Variants in GULP1 observed in about 807,000 individuals in gnomAD.
The protein encoded by GULP1 is PTB domain-containing engulfment adapter protein 1.
A neutral mutation model predicts 40.9 loss-of-function variants in GULP1; 19 were observed. That is an observed-to-expected ratio of 0.46 (90% confidence interval 0.32 to 0.68). The LOEUF is 0.68. Ranked by LOEUF, GULP1 falls within the 30% of genes least tolerant of loss-of-function variation. The pLI is 0.03. For missense variants in GULP1, 312 were observed against 362.2 expected, an observed-to-expected ratio of 0.86 and a Z score of 1.12; for synonymous variants, 119 against 117.6, an observed-to-expected ratio of 1.01 and a Z score of -0.08.
At chr2:188,533,274 G>C (rs1364111929) in intron 6 of GULP1, among the ~76,000 whole-genome samples, 1 of 151,938 alleles carries the variant, frequency 6.6e-6, no homozygotes, top group Non-Finnish European at 1.5e-5. Context: ...GCTGGGCTTA[G>C]AAAAAGTCTG....
At chr2:188,359,813 G>A (rs2045859459) in intron 1 of GULP1, among the ~76,000 whole-genome samples, 1 of 152,084 alleles carries the variant, frequency 6.6e-6, no homozygotes, top group African/African-American at 2.4e-5. Context: ...TAGTAATATT[G>A]TAGGACTTAG....
At chr2:188,335,549 C>A (rs866006157) in intron 1 of GULP1, among the ~76,000 whole-genome samples, 57 of 152,266 alleles carry the variant, frequency 3.7e-4, no homozygotes, top group African/African-American at 1.2e-3. Flanking sequence ...CCCGTAGCAT[C>A]CTGTATACAT....
chr2:188,370,948 CTT>C (rs557694360), intron 1 of GULP1, among the ~76,000 whole-genome samples: 25 of 152,148 alleles, frequency 1.6e-4, no homozygotes, highest in African/African-American at 6.0e-4. Context: ...TTTCTCCTCT[CTT>C]TAACACTTTT....
At chr2:188,316,934 G>T (rs544475070) in intron 1 of GULP1, among the ~76,000 whole-genome samples, 12 of 152,196 alleles carry the variant, frequency 7.9e-5, no homozygotes, top group African/African-American at 2.4e-4. Flanking sequence ...TTCCTTTAAA[G>T]AAAACATGCC....
chr2:188,324,920 A>C (rs2040533186), intron 1 of GULP1, among the ~76,000 whole-genome samples: 1 of 152,056 alleles, frequency 6.6e-6, no homozygotes, highest in Non-Finnish European at 1.5e-5. Flanking sequence ...AGACATTGGT[A>C]TAATGTATTC....
At chr2:188,512,297 C>T (rs1243412267) in intron 4 of GULP1, among the ~76,000 whole-genome samples, 1 of 151,742 alleles carries the variant, frequency 6.6e-6, no homozygotes, top group Non-Finnish European at 1.5e-5. Flanking sequence ...CATTGTTATG[C>T]CACCAATATT....
At chr2:188,589,139 T>C (rs939950949) in intron 11 of GULP1, 2 of 152,182 alleles carry the variant, frequency 1.3e-5, no homozygotes, top group South Asian at 2.1e-4. Context: ...CTTGTCCTTA[T>C]GGTTTTTATA....
At chr2:188,343,727 C>A (rs1251582452) in intron 1 of GULP1, among the ~76,000 whole-genome samples, 1 of 152,178 alleles carries the variant, frequency 6.6e-6, no homozygotes, top group African/African-American at 2.4e-5. Context: ...GGTAGGAGAA[C>A]TTAGGGACAC....
At position 188,565,172 on chromosome 2, in the gene GULP1, C is replaced by G. The variant is rs539560905; in HGVS notation, c.400-4067C>G. 2.4e-4 allele frequency among the ~76,000 whole-genome samples: 36 copies of G among 151,902 alleles called. 1 individual carries two copies. The South Asian group carries it at 5.6e-3, about 24-fold the overall frequency. On this transcript the variant is annotated intron_variant, in intron 7 of 11. Transcript: ENST00000409830. ...TTTCCTGGAAATGACCCCAAAAGCACTACACATGAACAAAAAAAGGATACA... is the reference window on the plus strand; with the variant it reads ...TTTCCTGGAAATGACCCCAAAAGCAGTACACATGAACAAAAAAAGGATACA...
At position 188,587,919 on chromosome 2, in the gene GULP1, A is replaced by C; in HGVS notation, c.813A>C (p.Pro271=). 6.2e-7 allele frequency: 1 copy of C among 1,605,578 alleles called. No individual in the cohort carries two copies. The highest frequency in any genetic ancestry group is 8.5e-7 in the Non-Finnish European group (1 of 1,172,222). Residue 271 remains proline (P), a synonymous_variant, in exon 11 of 12, where the codon CCA becomes CCC. Coordinates refer to ENST00000409830, the MANE Select transcript of GULP1 (RefSeq NM_016315.4). ...ACTGTGGAGCAGCAGATTTCCCTCCAGATATTCAATCAAAATTAGATGAGA... is the reference window on the plus strand; with the variant it reads ...ACTGTGGAGCAGCAGATTTCCCTCCCGATATTCAATCAAAATTAGATGAGA... ...PFNCGAADFP[P]DIQSKLDEMQ... is the part of the protein sequence containing the mutation.
chr2:188,523,162 G>A lies in GULP1; in HGVS notation c.162+335G>A, dbSNP rs551737648. Among the ~76,000 whole-genome samples the A allele has an allele frequency of 2.0e-5, 3 of 152,226 alleles. No individual in the cohort carries two copies. The South Asian group carries it at 6.2e-4, about 32-fold the overall frequency. The stretch of plus-strand genomic sequence containing the variant: ...TGTGAACCTATGTCCCAAATCAAAA[G>A]CTAGTAATGGCATAACAACTGTCTT... On this transcript the variant is annotated intron_variant, in intron 5 of 11. Transcript: ENST00000409830.
chr2:188,560,737 G>T (rs1696033256), intron 7 of GULP1, among the ~76,000 whole-genome samples: 1 of 152,184 alleles, frequency 6.6e-6, no homozygotes, highest in Admixed American at 6.5e-5. Context: ...GATACCTCAA[G>T]AAACACAATC....
At chr2:188,406,709 A>C (rs1441024319) in intron 2 of GULP1, among the ~76,000 whole-genome samples, 2 of 152,208 alleles carry the variant, frequency 1.3e-5, no homozygotes, top group South Asian at 2.1e-4. Context: ...ATGAAGAAAT[A>C]TTACAAGACT....
intron 1 of GULP1, among the ~76,000 whole-genome samples, chr2:188,360,106 A>G (rs1325462513): frequency 3.9e-5 from 6 of 152,014 alleles, no homozygotes; most frequent in African/African-American, 4.8e-5. Context: ...TTGATCTCCA[A>G]TTCTCTTTGG....
chr2:188,451,776 AT>A (rs941547804), intron 2 of GULP1, among the ~76,000 whole-genome samples: 3,621 of 150,578 alleles, frequency 0.024, 151 homozygotes, highest in African/African-American at 0.081. Context: ...TACTAGGAAA[AT>A]AAAAAAGAAT....
chr2:188,296,311 A>T (rs2034918255), intron 1 of GULP1, among the ~76,000 whole-genome samples: 1 of 152,132 alleles, frequency 6.6e-6, no homozygotes, highest in South Asian at 2.1e-4. Context: ...GAGAATGGCT[A>T]AAAGTCATTG....
At chr2:188,297,321 A>T (rs2035183072) in intron 1 of GULP1, among the ~76,000 whole-genome samples, 2 of 152,084 alleles carry the variant, frequency 1.3e-5, no homozygotes, top group Non-Finnish European at 1.5e-5. Flanking sequence ...GAACACAAGC[A>T]CATGTACAGT....
chr2:188,486,074 A>T (rs1336319130), intron 4 of GULP1, among the ~76,000 whole-genome samples: 1 of 152,068 alleles, frequency 6.6e-6, no homozygotes, highest in Non-Finnish European at 1.5e-5. Context: ...GGACAAGGTT[A>T]AAAAGGCAAA....
chr2:188,343,566 T>C (rs1405821066), intron 1 of GULP1, among the ~76,000 whole-genome samples: 1 of 152,222 alleles, frequency 6.6e-6, no homozygotes, highest in African/African-American at 2.4e-5. Context: ...TATTTTATTT[T>C]AACTGAAAGC....
Sources: allele counts gnomAD v4.1 joint callset (sites outside exome capture counted in the v4.1 genomes callset), GRCh38; gene constraint gnomAD v4.1.1; transcripts MANE v1.5; gene names NCBI Gene and HGNC (gene_info 2026-07-23, HGNC 2026-07-21).